SLC24A2: variants seen among roughly 807,000 people sequenced by gnomAD.
SLC24A2 encodes solute carrier family 24 member 2.
In SLC24A2, 36 loss-of-function variants were observed where a neutral mutation model predicts 62.0. The ratio of observed to expected loss-of-function variants is 0.58; its 90% CI spans 0.44 to 0.77. SLC24A2 has a LOEUF of 0.77. SLC24A2 is among the 30% of genes least tolerant of loss of function. SLC24A2 has a pLI of 0.00. For synonymous variants in SLC24A2, 358 were observed against 294.0 expected, an observed-to-expected ratio of 1.22 and a Z score of -2.23; for missense variants, 846 against 817.9, an observed-to-expected ratio of 1.03 and a Z score of -0.42.
At chr9:20,283,263 T>C in the SLC24A2 span, among the ~76,000 whole-genome samples, 3 of 152,224 alleles carry the variant, frequency 2.0e-5, no homozygotes, top group African/African-American at 7.2e-5. Flanking sequence ...TCTCAACAAA[T>C]GCTCTCTGGA....
intron 10 of SLC24A2, 95 bp from the exon 11 acceptor site, chr9:19,516,497 C>T (rs1371865142): frequency 2.1e-6 from 3 of 1,431,884 alleles, no homozygotes; most frequent in Middle Eastern, 2.4e-4. Context: ...ATTACCTTCT[C>T]AGGAACTCTA....
chr9:20,158,132 A>G, the SLC24A2 span, among the ~76,000 whole-genome samples: 1 of 151,788 alleles, frequency 6.6e-6, no homozygotes, highest in Admixed American at 6.6e-5. Flanking sequence ...ATGGATATGG[A>G]AAGAAACAGG....
chr9:19,636,322 T>TCCTTTCC (rs1554690373), intron 2 of SLC24A2, among the ~76,000 whole-genome samples: 2 of 30,562 alleles, frequency 6.5e-5, no homozygotes, highest in African/African-American at 2.4e-4. Context: ...TTCTTTTCTT[T>TCCTTTCC]CTTTCTTTCT....
chr9:20,087,893 G>A, the SLC24A2 span, among the ~76,000 whole-genome samples: 1 of 152,188 alleles, frequency 6.6e-6, no homozygotes, highest in Admixed American at 6.5e-5. Context: ...ATCTAGAGGA[G>A]CGTCCCCTAC....
chr9:19,936,951 C>T, the SLC24A2 span, among the ~76,000 whole-genome samples: 3 of 152,060 alleles, frequency 2.0e-5, no homozygotes, highest in African/African-American at 7.2e-5. Flanking sequence ...GCTTTTCAGA[C>T]CTTAAATTCT....
At chr9:19,649,599 A>G (rs1277716655) in intron 2 of SLC24A2, among the ~76,000 whole-genome samples, 1 of 152,174 alleles carries the variant, frequency 6.6e-6, no homozygotes, top group Non-Finnish European at 1.5e-5. Context: ...GTACAACTGG[A>G]TCAAAGGCTT....
chr9:19,749,369 G>A (rs1489785078), intron 2 of SLC24A2, among the ~76,000 whole-genome samples: 1 of 151,962 alleles, frequency 6.6e-6, no homozygotes, highest in Non-Finnish European at 1.5e-5. Context: ...AAAGGTATTT[G>A]TGTGTATGTT....
the SLC24A2 span, among the ~76,000 whole-genome samples, chr9:20,049,912 G>T: frequency 7.2e-5 from 11 of 152,036 alleles, no homozygotes; most frequent in African/African-American, 2.7e-4. Flanking sequence ...AGAAAAAAGG[G>T]GAAAACAACC....
chr9:20,260,573 T>C, the SLC24A2 span, among the ~76,000 whole-genome samples: 1 of 152,356 alleles, frequency 6.6e-6, no homozygotes, highest in East Asian at 1.9e-4. Context: ...AACACTGTCT[T>C]AGTTCATTTT....
intron 2 of SLC24A2, among the ~76,000 whole-genome samples, chr9:19,785,593 C>T (rs867684424): frequency 6.6e-6 from 1 of 152,192 alleles, no homozygotes; most frequent in East Asian, 1.9e-4. Flanking sequence ...CACATACACA[C>T]TTTCCTATGA....
the SLC24A2 span, among the ~76,000 whole-genome samples, chr9:19,981,151 G>A: frequency 6.6e-6 from 1 of 152,150 alleles, no homozygotes; most frequent in Non-Finnish European, 1.5e-5. Context: ...GTTTCAAAAT[G>A]CTAAGATACC....
intron 8 of SLC24A2, among the ~76,000 whole-genome samples, chr9:19,532,536 G>A (rs779433867): frequency 6.6e-6 from 1 of 152,136 alleles, no homozygotes; most frequent in African/African-American, 2.4e-5. Flanking sequence ...TTTTCAATCT[G>A]TGATTGTTTG....
chr9:19,573,551 G>GAC (rs1835914840), intron 6 of SLC24A2, 82 bp from the exon 7 acceptor site: 10 of 862,260 alleles, frequency 1.2e-5, no homozygotes, highest in East Asian at 7.8e-5. Context: ...GAGAGAGAGA[G>GAC]AGAAAGCAAA....
the SLC24A2 span, chr9:19,926,130 T>A: frequency 1.3e-5 from 2 of 152,156 alleles, no homozygotes; most frequent in Non-Finnish European, 2.9e-5. Flanking sequence ...GTGTCACGAT[T>A]CCCCTTAGTA....
chr9:19,785,807 C>T, intron 2 of SLC24A2, 130 bp downstream of exon 2: 1 of 1,204,964 alleles, frequency 8.3e-7, no homozygotes, highest in Non-Finnish European at 1.2e-6. Flanking sequence ...TATCACAGAA[C>T]TGCAGAATCA....
At chr9:19,525,981 C>A (rs1833431235) in intron 9 of SLC24A2, among the ~76,000 whole-genome samples, 1 of 151,952 alleles carries the variant, frequency 6.6e-6, no homozygotes, top group African/African-American at 2.4e-5. Context: ...AAACCCATAC[C>A]CACTGGCAGT....
the SLC24A2 span, among the ~76,000 whole-genome samples, chr9:20,164,743 A>G: frequency 6.6e-6 from 1 of 151,984 alleles, no homozygotes; most frequent in African/African-American, 2.4e-5. Flanking sequence ...CCAAATGTCC[A>G]ACAATGATAG....
chr9:20,261,111 G>A, the SLC24A2 span, among the ~76,000 whole-genome samples: 8 of 151,792 alleles, frequency 5.3e-5, no homozygotes, highest in African/African-American at 7.3e-5. Flanking sequence ...GCCTCAGCCC[G>A]GGCAGTAAAG....
chr9:19,528,082 T>A lies in SLC24A2; in HGVS notation c.1536A>T (p.Val512=). The A allele has an allele frequency of 1.9e-6, 3 of 1,598,502 alleles. No individual in the cohort carries two copies. Among genetic ancestry groups the A allele is most frequent in the Non-Finnish European group, 2.6e-6 (3 of 1,172,002 alleles). ...TFFGSITWIA[V]FSYLMVWWAH... The stretch of plus-strand genomic sequence containing the variant: ...CCCACCAGACCATCAAGTAAGAGAA[T>A]ACTGCAATCCAGGTAATGGAGCCAA... Residue 512 remains valine, a synonymous_variant, in exon 9 of 11, where the codon GTA becomes GTT. Coordinates refer to ENST00000341998, the MANE Select transcript of SLC24A2 (RefSeq NM_020344.4).
Sources: allele counts gnomAD v4.1 joint callset (sites outside exome capture counted in the v4.1 genomes callset), GRCh38; gene constraint gnomAD v4.1.1; transcripts MANE v1.5; gene names NCBI Gene and HGNC (gene_info 2026-07-23, HGNC 2026-07-21).